The following DNAL1 variants were observed in gnomAD, a reference collection of about 807,000 sequenced individuals.
DNAL1 encodes chromosome 14 open reading frame 168.
In DNAL1, 17 loss-of-function variants were observed where a neutral mutation model predicts 29.4. The ratio of observed to expected loss-of-function variants is 0.58; its 90% confidence interval spans 0.40 to 0.87. DNAL1 has a LOEUF of 0.87. Among genes scored for constraint, DNAL1 ranks in the 40% least tolerant of loss-of-function variants. DNAL1 has a pLI of 0.00. For synonymous variants in DNAL1, 78 were observed against 76.3 expected (o/e 1.02, Z -0.12); for missense variants, 188 against 214.1 (o/e 0.88, Z 0.76).
intron 4 of DNAL1, among the ~76,000 whole-genome samples, chr14:73,662,664 A>G (rs1043400744): frequency 3.9e-5 from 6 of 152,140 alleles, no homozygotes; most frequent in African/African-American, 1.4e-4. Flanking sequence ...AGTCTCTGCC[A>G]GTAGTCACAC....
intron 5 of DNAL1, among the ~76,000 whole-genome samples, chr14:73,685,104 TG>T (rs1891986406): frequency 6.6e-6 from 1 of 151,882 alleles, no homozygotes; most frequent in African/African-American, 2.4e-5. Flanking sequence ...TTTTTTCCAA[TG>T]TTTTTTATGG....
At chr14:73,678,449 T>C (rs1339436965) in intron 5 of DNAL1, among the ~76,000 whole-genome samples, 1 of 152,008 alleles carries the variant, frequency 6.6e-6, no homozygotes, top group Non-Finnish European at 1.5e-5. Context: ...ATTATCCTTA[T>C]TTTAAGATAA....
chr14:73,666,462 C>T lies in DNAL1; in HGVS notation c.208+4420C>T, dbSNP rs571275718. Among the ~76,000 whole-genome samples, 7 of 152,188 alleles carry T rather than the reference C, an allele frequency of 4.6e-5. No individual in the cohort carries two copies. The East Asian group carries it at 1.3e-3, about 29-fold the overall frequency. Reference sequence around the variant, plus strand: ...TTACAGGTTACAAATAAGCATAAAACTTGAAAGCACAGTTTTGATTTTCAT... The same window carrying T: ...TTACAGGTTACAAATAAGCATAAAATTTGAAAGCACAGTTTTGATTTTCAT... On this transcript the variant is annotated intron_variant, in intron 4 of 7. Coordinates refer to ENST00000553645, the MANE Select transcript of DNAL1 (RefSeq NM_031427.4).
At chr14:73,675,753 C>A (rs1891716337) in intron 5 of DNAL1, among the ~76,000 whole-genome samples, 1 of 152,266 alleles carries the variant, frequency 6.6e-6, no homozygotes, top group East Asian at 1.9e-4. Context: ...CGCAGTGGCT[C>A]ACGCCTGTAA....
chr14:73,666,801 G>A (rs575007189), intron 4 of DNAL1, among the ~76,000 whole-genome samples: 1 of 152,124 alleles, frequency 6.6e-6, no homozygotes, highest in Admixed American at 6.6e-5. Context: ...TTTTTGATAC[G>A]GATGATTTCT....
At chr14:73,657,282 C>T (rs1465593844) in intron 2 of DNAL1, among the ~76,000 whole-genome samples, 1 of 152,118 alleles carries the variant, frequency 6.6e-6, no homozygotes, top group Non-Finnish European at 1.5e-5. Flanking sequence ...CTCAAGTGAT[C>T]CTCCCACCTC....
Position 73,699,156 on chromosome 14 carries a change from G to A in DNAL1, c.*3214G>A, listed in dbSNP as rs944133493. ...GAGGGTGGGAACAAATTCTCCCTTA[G>A]TTGTACTTTTTATACCAACATCACT... On this transcript the variant is annotated 3_prime_UTR_variant, in exon 8 of 8. Coordinates refer to ENST00000553645, the MANE Select transcript of DNAL1 (RefSeq NM_031427.4). The A allele has an allele frequency of 6.6e-6, 1 of 152,054 alleles. No individual in the cohort carries two copies. 9.4% of individuals were successfully genotyped at this position (152,054 alleles called of 1,614,324 possible).
intron 7 of DNAL1, among the ~76,000 whole-genome samples, chr14:73,692,462 C>G (rs988780035): frequency 1.3e-5 from 2 of 151,860 alleles, no homozygotes; most frequent in African/African-American, 4.8e-5. Context: ...CAGTTCGAGA[C>G]CAGCCTGACC....
intron 5 of DNAL1, among the ~76,000 whole-genome samples, chr14:73,679,636 A>G (rs189727169): frequency 5.4e-4 from 82 of 152,312 alleles, no homozygotes; most frequent in Non-Finnish European, 4.1e-4. Flanking sequence ...GCAGTTTTCA[A>G]AACTGATATA....
chr14:73,672,246 T>A (rs1891630814), intron 5 of DNAL1, among the ~76,000 whole-genome samples: 1 of 152,212 alleles, frequency 6.6e-6, no homozygotes, highest in Non-Finnish European at 1.5e-5. Context: ...TGAATTATAT[T>A]TCCACCTCTG....
intron 5 of DNAL1, among the ~76,000 whole-genome samples, chr14:73,679,370 A>T (rs1013374060): frequency 2.6e-5 from 4 of 152,214 alleles, no homozygotes; most frequent in Non-Finnish European, 5.9e-5. Context: ...TAAAATACTG[A>T]TTATTTTCTC....
At chr14:73,649,497 T>G (rs894565339) in intron 1 of DNAL1, among the ~76,000 whole-genome samples, 1 of 150,826 alleles carries the variant, frequency 6.6e-6, no homozygotes, top group Non-Finnish European at 1.5e-5. Context: ...ATAGCCAGGA[T>G]GGTCTCGATC....
rs201566346 is a variant in DNAL1, at chr14:73,648,894, A to AAT, written c.3+3861_3+3862dup. Among the ~76,000 whole-genome samples, 1,233 of 149,966 alleles carry AAT rather than the reference A, an allele frequency of 8.2e-3. 23 individuals are homozygous for AAT. The highest frequency in any genetic ancestry group is 0.028 in the African/African-American group (1,167 of 41,114). On this transcript the variant is annotated intron_variant, in intron 1 of 7. Transcript: ENST00000553645. ...TCTTCTCTCGGCCAGAAGAATAATAAATATATATATTAATTATTATAAATA... is the reference window on the plus strand; with the variant it reads ...TCTTCTCTCGGCCAGAAGAATAATAAATATATATATATTAATTATTATAAATA...
At chr14:73,664,170 A>G (rs992939375) in intron 4 of DNAL1, among the ~76,000 whole-genome samples, 1 of 152,122 alleles carries the variant, frequency 6.6e-6, no homozygotes, top group Admixed American at 6.5e-5. Context: ...AGACTGTTAT[A>G]TTTTTGCCTG....
At chr14:73,685,434 G>A (rs1891997421) in intron 5 of DNAL1, among the ~76,000 whole-genome samples, 1 of 151,248 alleles carries the variant, frequency 6.6e-6, no homozygotes. Context: ...ATGTTGTAGC[G>A]TGTGTCAGAA....
At chr14:73,669,363 G>A (rs984910409) in intron 4 of DNAL1, among the ~76,000 whole-genome samples, 5 of 151,638 alleles carry the variant, frequency 3.3e-5, no homozygotes, top group Non-Finnish European at 7.4e-5. Flanking sequence ...TGTGACCTCC[G>A]CCTCCCGGGT....
chr14:73,661,889 A>T (rs992228345), intron 3 of DNAL1, 98 bp from the exon 4 acceptor site: 4 of 702,054 alleles, frequency 5.7e-6, no homozygotes, highest in African/African-American at 5.4e-5. Flanking sequence ...GGAAAATATT[A>T]CTTAAATATT....
rs189200402 is a variant in DNAL1 at position 73,676,551 on chromosome 14, C to G, written c.264+4954C>G. Among the ~76,000 whole-genome samples the G allele has an allele frequency of 8.5e-5, 13 of 152,214 alleles. No homozygotes were observed. In the East Asian group the frequency reaches 1.2e-3, roughly 14 times the overall value. ...ATATATCAATAATATCCTTCAATGTCAATACATGCAGATTTAATACATTAA... is the reference window on the plus strand; with the variant it reads ...ATATATCAATAATATCCTTCAATGTGAATACATGCAGATTTAATACATTAA... On this transcript the variant is annotated intron_variant, in intron 5 of 7. Transcript: ENST00000553645.
rs1319153652 is a variant in DNAL1 at position 73,696,626 on chromosome 14, A to T, written c.*684A>T. ...AGTCATTGTGTACAGTCATTCTGTG[A>T]TCTCAGTTAGTGGTTAAAATGACTG... On this transcript the variant is annotated 3_prime_UTR_variant, in exon 8 of 8. Coordinates refer to ENST00000553645, the MANE Select transcript of DNAL1 (RefSeq NM_031427.4). The T allele has an allele frequency of 2.0e-5, 3 of 152,184 alleles. No individual in the cohort carries two copies. Among genetic ancestry groups the T allele is most frequent in the African/African-American group, 7.2e-5 (3 of 41,444 alleles). 9.4% of individuals were successfully genotyped at this position (152,184 alleles called of 1,614,324 possible).
Sources: gnomAD v4.1 joint callset for allele counts (sites outside exome capture counted in the v4.1 genomes callset) on GRCh38, gnomAD v4.1.1 for gene constraint, MANE v1.5 for transcripts, NCBI Gene and HGNC (gene_info 2026-07-23, HGNC 2026-07-21) for gene names.